AGMO: variants seen among roughly 807,000 people sequenced by gnomAD.
AGMO encodes glyceryl-ether monooxygenase.
A neutral mutation model predicts 60.2 loss-of-function variants in AGMO; 75 were observed. That is an observed-to-expected ratio of 1.25 (90% confidence interval 1.03 to 1.51). The LOEUF (loss-of-function observed/expected upper bound fraction) is 1.51, where lower values mean the gene tolerates loss of function less well. Ranked by LOEUF, AGMO falls within the 40% of genes most tolerant of loss-of-function variation. The pLI is 0.00. For missense variants in AGMO, 763 were observed against 525.5 expected, an observed-to-expected ratio of 1.45 and a Z score of -4.42; for synonymous variants, 261 against 177.1, an observed-to-expected ratio of 1.47 and a Z score of -3.76.
rs114055854 is a variant in AGMO at position 15,514,277 on chromosome 7, G to A, written c.409+30495C>T. 3.5e-3 allele frequency among the ~76,000 whole-genome samples: 538 copies of A among 152,208 alleles called. 3 individuals are homozygous for A. Among genetic ancestry groups the A allele is most frequent in the African/African-American group, 0.013 (522 of 41,518 alleles). On this transcript the variant is annotated intron_variant, in intron 3 of 12. Coordinates refer to ENST00000342526, the MANE Select transcript of AGMO (RefSeq NM_001004320.2). The stretch of plus-strand genomic sequence containing the variant: ...GTTAAAGTTTCTGAGATTGACTATG[G>A]TATCAATAAGCCAAAGCACCTTAAT...
At chr7:15,342,529 G>A (rs1025035327) in intron 12 of AGMO, among the ~76,000 whole-genome samples, 8 of 151,794 alleles carry the variant, frequency 5.3e-5, no homozygotes, top group African/African-American at 1.9e-4. Context: ...TATATTGAGA[G>A]AAAGGCTTTA....
intron 3 of AGMO, among the ~76,000 whole-genome samples, chr7:15,517,395 G>A (rs1312191575): frequency 1.3e-5 from 2 of 151,510 alleles, no homozygotes; most frequent in South Asian, 2.1e-4. Flanking sequence ...AATAGAAACA[G>A]CTCTGGTCTG....
chr7:15,311,791 T>G (rs1780775754), intron 12 of AGMO, among the ~76,000 whole-genome samples: 1 of 152,224 alleles, frequency 6.6e-6, no homozygotes, highest in African/African-American at 2.4e-5. Context: ...GTTGAAATTA[T>G]CAGACATATA....
At chr7:15,443,564 T>C (rs557525050) in intron 3 of AGMO, among the ~76,000 whole-genome samples, 5 of 152,210 alleles carry the variant, frequency 3.3e-5, no homozygotes, top group Non-Finnish European at 5.9e-5. Flanking sequence ...CTTCCCTAGA[T>C]TGATGCCTTA....
chr7:15,520,665 A>T (rs1271072953), intron 3 of AGMO, among the ~76,000 whole-genome samples: 2 of 152,230 alleles, frequency 1.3e-5, no homozygotes, highest in Non-Finnish European at 2.9e-5. Context: ...ACAAAGACAC[A>T]ACATACCAGA....
intron 3 of AGMO, among the ~76,000 whole-genome samples, chr7:15,537,449 A>G (rs930714883): frequency 1.3e-5 from 2 of 152,172 alleles, no homozygotes; most frequent in African/African-American, 4.8e-5. Context: ...CCCTAAAAAA[A>G]TCATAAGTAA....
intron 10 of AGMO, among the ~76,000 whole-genome samples, chr7:15,374,288 G>T (rs1783353105): frequency 6.6e-6 from 1 of 151,918 alleles, no homozygotes; most frequent in South Asian, 2.1e-4. Context: ...ATACTAAGAG[G>T]AATATAATTA....
intron 12 of AGMO, among the ~76,000 whole-genome samples, chr7:15,345,717 C>T (rs1293340839): frequency 1.6e-4 from 25 of 152,094 alleles, no homozygotes; most frequent in Admixed American, 1.5e-3. Flanking sequence ...TTAATTGTTA[C>T]AACAATCCTA....
At chr7:15,206,719 T>A (rs1781448560) in intron 12 of AGMO, among the ~76,000 whole-genome samples, 1 of 152,068 alleles carries the variant, frequency 6.6e-6, no homozygotes, top group South Asian at 2.1e-4. Context: ...AGAATATCCT[T>A]CAATCAATAA....
chr7:15,128,185 A>T, the AGMO span, among the ~76,000 whole-genome samples: 1 of 152,092 alleles, frequency 6.6e-6, no homozygotes, highest in African/African-American at 2.4e-5. Flanking sequence ...TTCAGAGGAG[A>T]AAACAGGTGG....
chr7:15,206,664 G>A (rs1473691348), intron 12 of AGMO, among the ~76,000 whole-genome samples: 5 of 152,110 alleles, frequency 3.3e-5, no homozygotes, highest in Non-Finnish European at 5.9e-5. Flanking sequence ...AATATCAATA[G>A]TATCAGAAGA....
the AGMO span, among the ~76,000 whole-genome samples, chr7:15,149,131 C>A: frequency 1.2e-4 from 19 of 152,112 alleles, no homozygotes; most frequent in Middle Eastern, 3.4e-3. Flanking sequence ...TGAGAAATGT[C>A]TATTCATGTC....
At chr7:15,438,354 C>A (rs999707287) in intron 3 of AGMO, among the ~76,000 whole-genome samples, 3 of 151,992 alleles carry the variant, frequency 2.0e-5, no homozygotes, top group Admixed American at 6.6e-5. Flanking sequence ...TTAACTCATA[C>A]ATTTCCCAGA....
intron 3 of AGMO, among the ~76,000 whole-genome samples, chr7:15,468,180 G>A (rs1782342529): frequency 1.3e-5 from 2 of 152,248 alleles, no homozygotes; most frequent in Non-Finnish European, 1.5e-5. Flanking sequence ...AATCCAAAAT[G>A]GTGATGGCAA....
the AGMO span, among the ~76,000 whole-genome samples, chr7:15,124,181 C>T: frequency 7.0e-3 from 1,068 of 152,028 alleles, 19 homozygotes; most frequent in African/African-American, 0.025. Flanking sequence ...AAAACAAAAC[C>T]CCAAACCGAC....
At chr7:15,132,092 G>T in the AGMO span, among the ~76,000 whole-genome samples, 2 of 152,070 alleles carry the variant, frequency 1.3e-5, no homozygotes, top group African/African-American at 4.8e-5. Context: ...GTGCATAAGG[G>T]ATTTGAAGAG....
intron 12 of AGMO, among the ~76,000 whole-genome samples, chr7:15,273,744 C>G (rs933092399): frequency 2.6e-5 from 4 of 152,142 alleles, no homozygotes; most frequent in Admixed American, 2.6e-4. Flanking sequence ...TTGATTCTTC[C>G]TATCCATGAA....
At chr7:15,553,278 A>T (rs1196058697) in intron 2 of AGMO, among the ~76,000 whole-genome samples, 1 of 152,008 alleles carries the variant, frequency 6.6e-6, no homozygotes, top group Non-Finnish European at 1.5e-5. Context: ...ATATGTAACT[A>T]ACCTGCGCAA....
Position 15,390,853 on chromosome 7 carries a change from C to G in AGMO, c.729G>C (p.Trp243Cys), listed in dbSNP as rs1251188044. 2 of 1,603,384 alleles carry G rather than the reference C, an allele frequency of 1.2e-6. No homozygotes were observed. The highest frequency in any genetic ancestry group is 1.7e-6 in the Non-Finnish European group (2 of 1,173,632). ...CATTTTACTTACCAAAAATTTTATC[C>G]CAAATAATAAGAACACCAGCATAAT... ...DKNYAGVLIIWDKIFGTFEAE... is the reference protein window; with the variant it reads ...DKNYAGVLIICDKIFGTFEAE... The change falls in exon 7 of 13, where the codon TGG becomes TGC. Residue 243 changes from tryptophan (W) to cysteine (C), a missense_variant. Trp to Cys is a radical substitution (Grantham distance 215). Transcript: ENST00000342526.
Sources: gnomAD v4.1 joint callset for allele counts (sites outside exome capture counted in the v4.1 genomes callset) on GRCh38, gnomAD v4.1.1 for gene constraint, MANE v1.5 for transcripts, NCBI Gene and HGNC (gene_info 2026-07-23, HGNC 2026-07-21) for gene names.